The following PDLIM4 variants were observed in gnomAD, a reference collection of about 807,000 sequenced individuals.
The protein encoded by PDLIM4 is PDZ and LIM domain protein 4.
Under a neutral mutation model 31.3 loss-of-function variants are expected in PDLIM4, and 19 were observed. The observed-to-expected ratio is 0.61, with a 90% CI of 0.42 to 0.89. The LOEUF (loss-of-function observed/expected upper bound fraction) is 0.89. Ranked by LOEUF, PDLIM4 falls within the 40% of genes least tolerant of loss-of-function variation. The pLI is 0.00. For synonymous variants in PDLIM4, 176 were observed against 190.1 expected, an observed-to-expected ratio of 0.93 and a Z score of 0.61; for missense variants, 442 against 461.1, an observed-to-expected ratio of 0.96 and a Z score of 0.38.
At chr5:132,264,148 G>A (rs542026015) in intron 2 of PDLIM4, among the ~76,000 whole-genome samples, 3 of 152,282 alleles carry the variant, frequency 2.0e-5, no homozygotes, top group Admixed American at 1.3e-4. Flanking sequence ...GGGGAGGAGT[G>A]CCTCAGAGGG....
intron 3 of PDLIM4, among the ~76,000 whole-genome samples, chr5:132,267,683 T>G (rs1756520570): frequency 6.6e-6 from 1 of 151,918 alleles, no homozygotes; most frequent in Admixed American, 6.6e-5. Context: ...GCACCACAAG[T>G]TCAGAGAAAA....
At chr5:132,262,799 G>A (rs761674155) in intron 2 of PDLIM4, 39 bp downstream of exon 2, 8 of 1,583,262 alleles carry the variant, frequency 5.1e-6, no homozygotes, top group East Asian at 4.5e-5. Flanking sequence ...ATGGAAGGAC[G>A]AGGTGGGCAG....
At chr5:132,258,983 G>C (rs1756308485) in intron 1 of PDLIM4, among the ~76,000 whole-genome samples, 1 of 152,184 alleles carries the variant, frequency 6.6e-6, no homozygotes, top group African/African-American at 2.4e-5. Context: ...TGGAATCATG[G>C]AATCCCGTTT....
Position 132,272,912 on chromosome 5 carries a change from T to TC in PDLIM4, c.*688dup, listed in dbSNP as rs1324643518. 6.6e-6 allele frequency: 1 copy of TC among 151,776 alleles called. No individual in the cohort carries two copies. Among genetic ancestry groups the TC allele is most frequent in the Non-Finnish European group, 1.5e-5 (1 of 67,982 alleles). 9.4% of individuals were successfully genotyped at this position (151,776 alleles called of 1,614,324 possible). On this transcript the variant is annotated 3_prime_UTR_variant, in exon 7 of 7. Coordinates refer to ENST00000253754, the MANE Select transcript of PDLIM4 (RefSeq NM_003687.4). ...ACCCCCTTTTCTTCCCCTTCCTCTC[T>TC]CCCCCACCAGGGGGCGCGCTTAAAT...
chr5:132,266,874 C>A lies in PDLIM4; in HGVS notation c.327+329C>A, dbSNP rs535020543. On this transcript the variant is annotated intron_variant, in intron 3 of 6. Transcript: ENST00000253754. Reference sequence around the variant, plus strand: ...ACTCTGGTGCTCAGTGATGCCAGACCAGAAAGAAGTCACTGTGCTTGCAGC... The same window carrying A: ...ACTCTGGTGCTCAGTGATGCCAGACAAGAAAGAAGTCACTGTGCTTGCAGC... 12 of 220,336 alleles carry A rather than the reference C, an allele frequency of 5.4e-5. No homozygotes were observed. In the South Asian group the frequency reaches 1.4e-3, roughly 27 times the overall value. 13.6% of individuals were successfully genotyped at this position (220,336 alleles called of 1,614,324 possible).
chr5:132,267,826 T>C (rs771471110), intron 3 of PDLIM4, among the ~76,000 whole-genome samples: 8 of 152,142 alleles, frequency 5.3e-5, no homozygotes, highest in African/African-American at 9.7e-5. Flanking sequence ...TTACAGGGAT[T>C]CATGGCCACA....
At chr5:132,264,304 C>T (rs1756442591) in intron 2 of PDLIM4, among the ~76,000 whole-genome samples, 1 of 152,168 alleles carries the variant, frequency 6.6e-6, no homozygotes, top group Non-Finnish European at 1.5e-5. Flanking sequence ...GGTCCACTGA[C>T]CTGTTCCACT....
chr5:132,262,888 A>G (rs1247956783), intron 2 of PDLIM4, 128 bp downstream of exon 2: 2 of 809,132 alleles, frequency 2.5e-6, no homozygotes, highest in African/African-American at 1.7e-5. Context: ...CCATCCAGGA[A>G]CAGTCCCAAG....
intron 1 of PDLIM4, among the ~76,000 whole-genome samples, chr5:132,260,304 T>C (rs2126670499): frequency 6.6e-6 from 1 of 152,306 alleles, no homozygotes; most frequent in East Asian, 1.9e-4. Context: ...CTGTTCCTTC[T>C]TTCTGTTTAT....
chr5:132,263,521 G>A (rs1266066700), intron 2 of PDLIM4, among the ~76,000 whole-genome samples: 1 of 152,104 alleles, frequency 6.6e-6, no homozygotes, highest in African/African-American at 2.4e-5. Context: ...TGGGGGTGGG[G>A]GGACCCAGCC....
intron 2 of PDLIM4, 48 bp from the exon 3 acceptor site, chr5:132,266,416 G>C: frequency 7.6e-7 from 1 of 1,312,536 alleles, no homozygotes; most frequent in Non-Finnish European, 1.1e-6. Context: ...TCCCAGGCAT[G>C]GTGGGCGTGG....
At chr5:132,265,842 G>C (rs528829727) in intron 2 of PDLIM4, among the ~76,000 whole-genome samples, 1 of 152,318 alleles carries the variant, frequency 6.6e-6, no homozygotes, top group South Asian at 2.1e-4. Context: ...GCTTATGGCA[G>C]GTTTATGATG....
intron 1 of PDLIM4, among the ~76,000 whole-genome samples, chr5:132,262,151 C>G (rs1756388447): frequency 6.6e-6 from 1 of 152,096 alleles, no homozygotes; most frequent in Non-Finnish European, 1.5e-5. Context: ...TGAAATCAAG[C>G]AAGTAGGAAG....
At position 132,272,217 on chromosome 5, in the gene PDLIM4, G is replaced by A. The variant is rs1561524625; in HGVS notation, c.981G>A (p.Val327=). ...TGGCGGTGTACCCCAATGCCAAGGT[G>A]GAACTCGTCTGAGCTGGGACCCTGC... The part of the protein sequence containing the change: ...DVVAVYPNAK[V]ELV The change falls in exon 7 of 7, where the codon GTG becomes GTA. Residue 327 remains valine, a synonymous_variant. Transcript: ENST00000253754. 3 of 1,613,898 alleles carry A rather than the reference G, an allele frequency of 1.9e-6. No individual in the cohort carries two copies. The highest frequency in any genetic ancestry group is 2.5e-6 in the Non-Finnish European group (3 of 1,179,816).
chr5:132,264,599 T>C (rs1299015454), intron 2 of PDLIM4, among the ~76,000 whole-genome samples: 1 of 89,600 alleles, frequency 1.1e-5, no homozygotes, highest in Non-Finnish European at 2.4e-5. Flanking sequence ...CCCTCACACA[T>C]GCAGACTCTG....
Position 132,272,071 on chromosome 5 carries a change from T to C in PDLIM4, c.835T>C (p.Phe279Leu). Residue 279 changes from phenylalanine to leucine, a missense_variant, in exon 7 of 7, where the codon TTC becomes CTC. Phe to Leu is a conservative substitution (Grantham distance 22, BLOSUM62 0). Coordinates refer to ENST00000253754, the MANE Select transcript of PDLIM4 (RefSeq NM_003687.4). ...GGACAAGCTCTACCATCCCGAGTGC[T>C]TCATGTGCAGTGACTGCGGCCTGAA... The part of the protein sequence containing the change: ...ARDKLYHPEC[F>L]MCSDCGLNLK... The C allele has an allele frequency of 1.9e-6, 3 of 1,614,266 alleles. No individual in the cohort carries two copies. Among genetic ancestry groups the C allele is most frequent in the South Asian group, 1.1e-5 (1 of 91,090 alleles).
chr5:132,257,969 G>T lies in PDLIM4; in HGVS notation c.93+142G>T, dbSNP rs1420459300. 1 of 471,826 alleles carries T rather than the reference G, an allele frequency of 2.1e-6. No homozygotes were observed. The highest frequency in any genetic ancestry group is 3.7e-6 in the Non-Finnish European group (1 of 272,332). 29.2% of individuals were successfully genotyped at this position (471,826 alleles called of 1,614,324 possible). The stretch of plus-strand genomic sequence containing the variant: ...TGGGCGCCCCGCATGCTGTAGAGGC[G>T]GCTTCCAGGCAGAGGCAGGCAGCCC... On this transcript the variant is annotated intron_variant, in intron 1 of 6. Coordinates refer to ENST00000253754, the MANE Select transcript of PDLIM4 (RefSeq NM_003687.4). The surrounding 1 kb of genome is among the most constrained non-coding windows in gnomAD (Gnocchi z 4.3).
At position 132,272,278 on chromosome 5, in the gene PDLIM4, G is replaced by A. The variant is rs780785773; in HGVS notation, c.*49G>A. 1 of 1,458,712 alleles carries A rather than the reference G, an allele frequency of 6.9e-7. No homozygotes were observed. Among genetic ancestry groups the A allele is most frequent in the Non-Finnish European group, 9.6e-7 (1 of 1,044,674 alleles). 90.4% of individuals were successfully genotyped at this position (1,458,712 alleles called of 1,614,324 possible). Reference sequence around the variant, plus strand: ...GCTTCTTAAGGTCCCTGCTCGGCCGGTGTAAATATGTTTCACCCTGTCCCT... The same window carrying A: ...GCTTCTTAAGGTCCCTGCTCGGCCGATGTAAATATGTTTCACCCTGTCCCT... On this transcript the variant is annotated 3_prime_UTR_variant, in exon 7 of 7. Transcript: ENST00000253754.
In PDLIM4 at chr5:132,272,244, C is replaced by T; in HGVS notation, c.*15C>T. 6.2e-7 allele frequency: 1 copy of T among 1,601,668 alleles called. No homozygotes were observed. Among genetic ancestry groups the T allele is most frequent in the Non-Finnish European group, 8.6e-7 (1 of 1,168,878 alleles). ...AACTCGTCTGAGCTGGGACCCTGCT[C>T]CCACGCCTGCTTCTTAAGGTCCCTG... On this transcript the variant is annotated 3_prime_UTR_variant, in exon 7 of 7. Coordinates refer to ENST00000253754, the MANE Select transcript of PDLIM4 (RefSeq NM_003687.4).
Sources: gnomAD v4.1 joint callset for allele counts (sites outside exome capture counted in the v4.1 genomes callset) on GRCh38, gnomAD v4.1.1 for gene constraint, Gnocchi (gnomAD v3.1) non-coding constraint, MANE v1.5 for transcripts, NCBI Gene and HGNC (gene_info 2026-07-23, HGNC 2026-07-21) for gene names.